The following DAB1 variants were observed in gnomAD, a reference collection of about 807,000 sequenced individuals.
DAB1 encodes the protein DAB adaptor protein 1, also known as disabled homolog 1.
DAB1 carries 15 observed loss-of-function variants against 64.6 expected under a neutral mutation model. The ratio of observed to expected loss-of-function variants is 0.23; its 90% CI spans 0.16 to 0.36. DAB1 has a LOEUF of 0.36. DAB1 is among the 10% of genes least tolerant of loss of function. The pLI is 1.00. For missense variants in DAB1, 596 were observed against 706.7 expected (o/e 0.84, Z 1.78); for synonymous variants, 235 against 251.9 (o/e 0.93, Z 0.64).
intron 6 of DAB1, among the ~76,000 whole-genome samples, chr1:57,695,297 AAG>A (rs1465789765): frequency 1.1e-4 from 6 of 55,870 alleles, no homozygotes; most frequent in African/African-American, 5.2e-4. Context: ...AGGGAGAGAG[AAG>A]GAAAGAAAGA....
chr1:57,340,794 T>C (rs1677511512), intron 1 of DAB1, among the ~76,000 whole-genome samples: 1 of 152,010 alleles, frequency 6.6e-6, no homozygotes, highest in Admixed American at 6.5e-5. Context: ...GGTGCAGAAG[T>C]TTTCATTGCT....
At chr1:57,004,045 C>A (rs912123963) in intron 14 of DAB1, among the ~76,000 whole-genome samples, 2 of 152,184 alleles carry the variant, frequency 1.3e-5, no homozygotes, top group African/African-American at 2.4e-5. Flanking sequence ...TGTTCCCTCT[C>A]ATAGAAGGTT....
chr1:57,639,602 A>C (rs1238410558), intron 7 of DAB1, among the ~76,000 whole-genome samples: 1 of 152,128 alleles, frequency 6.6e-6, no homozygotes, highest in Non-Finnish European at 1.5e-5. Flanking sequence ...CTCTTGAGAA[A>C]ATAATGTGTC....
chr1:57,370,686 T>C (rs974003875), intron 1 of DAB1, among the ~76,000 whole-genome samples: 1 of 151,902 alleles, frequency 6.6e-6, no homozygotes, highest in Non-Finnish European at 1.5e-5. Flanking sequence ...CGCATATAAA[T>C]GGAGAAGGTT....
At chr1:57,960,817 G>A (rs1645502125) in intron 5 of DAB1, among the ~76,000 whole-genome samples, 1 of 152,264 alleles carries the variant, frequency 6.6e-6, no homozygotes, top group Non-Finnish European at 1.5e-5. Flanking sequence ...CTAGGCCTAA[G>A]CCATGCAGGC....
intron 3 of DAB1, among the ~76,000 whole-genome samples, chr1:58,480,350 G>C (rs1390095586): frequency 1.3e-5 from 2 of 152,088 alleles, no homozygotes; most frequent in Non-Finnish European, 2.9e-5. Context: ...GGAACACGCT[G>C]TATCTCTGTG....
chr1:57,755,835 C>T (rs1007707845), intron 6 of DAB1, among the ~76,000 whole-genome samples: 1 of 152,178 alleles, frequency 6.6e-6, no homozygotes, highest in Non-Finnish European at 1.5e-5. Flanking sequence ...ACTGTCATTA[C>T]TGGGTCCCGT....
chr1:57,879,836 T>C (rs11587998), intron 1 of DAB1, among the ~76,000 whole-genome samples: 35,655 of 152,080 alleles, frequency 0.23, 4,946 homozygotes, highest in Non-Finnish European at 0.31. Flanking sequence ...TGCAACTATA[T>C]AAGGCAGCTG....
intron 4 of DAB1, among the ~76,000 whole-genome samples, chr1:58,313,818 C>CGTGT (rs563478816): frequency 0.026 from 2,210 of 85,438 alleles, 29 homozygotes; most frequent in Middle Eastern, 0.08. Context: ...ATTGTATCTT[C>CGTGT]ATGTGTGTGT....
chr1:58,354,210 T>C (rs538527548), intron 3 of DAB1, among the ~76,000 whole-genome samples: 1 of 152,206 alleles, frequency 6.6e-6, no homozygotes, highest in South Asian at 2.1e-4. Flanking sequence ...TTGTTGTTTT[T>C]TTCACTATGG....
chr1:58,399,194 T>C (rs1299357020), intron 3 of DAB1, among the ~76,000 whole-genome samples: 1 of 152,256 alleles, frequency 6.6e-6, no homozygotes, highest in Non-Finnish European at 1.5e-5. Flanking sequence ...AATTTACATC[T>C]GTATAGTGCT....
intron 5 of DAB1, among the ~76,000 whole-genome samples, chr1:57,989,545 G>T (rs1218878667): frequency 6.6e-6 from 1 of 152,024 alleles, no homozygotes; most frequent in Non-Finnish European, 1.5e-5. Flanking sequence ...AATTTCTCCT[G>T]ACTGTTTCTT....
At chr1:58,057,548 G>T (rs1019256410) in intron 5 of DAB1, among the ~76,000 whole-genome samples, 1 of 152,118 alleles carries the variant, frequency 6.6e-6, no homozygotes, top group Non-Finnish European at 1.5e-5. Context: ...GCCATGTAAA[G>T]ACAGGGGCAG....
At chr1:57,240,036 A>G (rs1668387796) in intron 2 of DAB1, among the ~76,000 whole-genome samples, 1 of 152,254 alleles carries the variant, frequency 6.6e-6, no homozygotes, top group Admixed American at 6.5e-5. Flanking sequence ...TGTCTAGGGC[A>G]CAATGCAATC....
intron 5 of DAB1, among the ~76,000 whole-genome samples, chr1:57,983,217 G>T (rs889258606): frequency 1.3e-5 from 2 of 152,172 alleles, no homozygotes; most frequent in Non-Finnish European, 2.9e-5. Context: ...TAAATTTGGA[G>T]GTCAAAGCAG....
intron 6 of DAB1, among the ~76,000 whole-genome samples, chr1:57,767,670 T>C (rs1327296479): frequency 6.6e-6 from 1 of 152,100 alleles, no homozygotes; most frequent in Non-Finnish European, 1.5e-5. Context: ...CAATAAATAA[T>C]TAATGAATGA....
chr1:57,239,850 T>A (rs1284490589), intron 2 of DAB1, among the ~76,000 whole-genome samples: 1 of 152,208 alleles, frequency 6.6e-6, no homozygotes, highest in Admixed American at 6.5e-5. Context: ...GTCAAATAAC[T>A]AATTAATTTA....
In DAB1 at chr1:56,997,910, G is replaced by A. The variant is rs1016713102; in HGVS notation, c.*234C>T. On this transcript the variant is annotated 3_prime_UTR_variant, in exon 15 of 15. Transcript: ENST00000371236. ...GGATCTTTCTATACTTTTTTTGTGTGCTGCCATAGATATCTGCCATTGGTT... is the reference window on the plus strand; with the variant it reads ...GGATCTTTCTATACTTTTTTTGTGTACTGCCATAGATATCTGCCATTGGTT... The A allele has an allele frequency of 1.3e-5, 2 of 152,336 alleles. No individual in the cohort carries two copies. Among genetic ancestry groups the A allele is most frequent in the African/African-American group, 4.8e-5 (2 of 41,388 alleles). The allele number at this position is 152,336 out of a possible 1,614,324, so 9.4% of individuals were successfully genotyped here. A position where few individuals can be genotyped will look rare whatever the true frequency, so the allele number is the denominator to read the frequency against.
intron 7 of DAB1, among the ~76,000 whole-genome samples, chr1:57,646,374 A>G (rs1646191104): frequency 6.6e-6 from 1 of 152,216 alleles, no homozygotes; most frequent in South Asian, 2.1e-4. Flanking sequence ...TAATGAGGAC[A>G]GGCAGGTAGT....
Sources: allele counts gnomAD v4.1 joint callset (sites outside exome capture counted in the v4.1 genomes callset), GRCh38; gene constraint gnomAD v4.1.1; transcripts MANE v1.5; gene names NCBI Gene and HGNC (gene_info 2026-07-23, HGNC 2026-07-21).